The following COL22A1 variants were observed in gnomAD, a reference collection of about 807,000 sequenced individuals.
COL22A1 encodes the protein collagen alpha-1(XXII) chain.
COL22A1 carries 221 observed loss-of-function variants against 248.9 expected under a neutral mutation model. The observed-to-expected ratio is 0.89, with a 90% CI of 0.80 to 0.99. COL22A1 has a LOEUF of 0.99. Among genes scored for constraint, COL22A1 ranks in the 50% least tolerant of loss-of-function variants. The pLI is 0.00. For missense variants in COL22A1, 2,240 were observed against 2,179.0 expected, an observed-to-expected ratio of 1.03 and a Z score of -0.56; for synonymous variants, 891 against 793.4, an observed-to-expected ratio of 1.12 and a Z score of -2.07.
chr8:138,698,217 G>A (rs926965535), intron 32 of COL22A1, among the ~76,000 whole-genome samples: 7 of 152,214 alleles, frequency 4.6e-5, no homozygotes, highest in Admixed American at 1.3e-4. Flanking sequence ...CAGGTGACCA[G>A]TGGAAGGGAC....
chr8:138,651,461 A>T (rs1445525005), intron 45 of COL22A1, among the ~76,000 whole-genome samples: 1 of 152,256 alleles, frequency 6.6e-6, no homozygotes, highest in Admixed American at 6.5e-5. Context: ...TCCACCTGAC[A>T]TTCTGGCGAC....
At chr8:138,755,969 C>A in intron 18 of COL22A1, 140 bp from the exon 19 acceptor site, 1 of 695,012 alleles carries the variant, frequency 1.4e-6, no homozygotes, top group East Asian at 2.7e-5. Flanking sequence ...TCGTCTTGCC[C>A]GAGCCTGCTG....
chr8:138,862,503 T>G (rs1822559136), intron 3 of COL22A1, among the ~76,000 whole-genome samples: 1 of 151,236 alleles, frequency 6.6e-6, no homozygotes, highest in African/African-American at 2.4e-5. Flanking sequence ...AAGGGTCCCT[T>G]AATTCCCTGA....
intron 51 of COL22A1, among the ~76,000 whole-genome samples, chr8:138,625,751 G>A (rs910499932): frequency 2.6e-5 from 4 of 152,118 alleles, no homozygotes; most frequent in South Asian, 2.1e-4. Context: ...GCATTATGGT[G>A]CATCCATTGC....
intron 3 of COL22A1, among the ~76,000 whole-genome samples, chr8:138,845,365 C>A (rs368287100): frequency 6.6e-6 from 1 of 151,628 alleles, no homozygotes; most frequent in African/African-American, 2.4e-5. Flanking sequence ...AAAAATGAGT[C>A]GGGCATGGTG....
chr8:138,637,516 T>A (rs1821298266), intron 47 of COL22A1, among the ~76,000 whole-genome samples: 1 of 152,056 alleles, frequency 6.6e-6, no homozygotes, highest in South Asian at 2.1e-4. Context: ...TGTTAGAGAA[T>A]AAAATAACAA....
chr8:138,788,819 T>C (rs1815775201), intron 12 of COL22A1, among the ~76,000 whole-genome samples: 1 of 152,258 alleles, frequency 6.6e-6, no homozygotes, highest in African/African-American at 2.4e-5. Context: ...ACATAAGTCA[T>C]CTATTTTCAT....
At chr8:138,722,504 C>T (rs184487623) in intron 25 of COL22A1, among the ~76,000 whole-genome samples, 1 of 152,348 alleles carries the variant, frequency 6.6e-6, no homozygotes, top group Admixed American at 6.5e-5. Context: ...CTGCTATCCT[C>T]CCTTCCTCTT....
intron 55 of COL22A1, among the ~76,000 whole-genome samples, chr8:138,615,012 T>G (rs1237132503): frequency 6.6e-6 from 1 of 152,194 alleles, no homozygotes. Flanking sequence ...CTGGTGCCTC[T>G]GCATCTGACC....
intron 26 of COL22A1, among the ~76,000 whole-genome samples, chr8:138,721,443 G>A (rs896162112): frequency 5.3e-5 from 8 of 152,148 alleles, no homozygotes; most frequent in African/African-American, 1.9e-4. Flanking sequence ...CCAGTTTTAT[G>A]CTATTTAACC....
intron 37 of COL22A1, among the ~76,000 whole-genome samples, chr8:138,686,900 CT>C (rs1336960801): frequency 8.5e-5 from 13 of 152,092 alleles, no homozygotes; most frequent in Non-Finnish European, 1.5e-4. Context: ...GCATTATCTT[CT>C]TTTCAAAAAA....
At chr8:138,735,923 T>C (rs1385294621) in intron 23 of COL22A1, among the ~76,000 whole-genome samples, 2 of 152,112 alleles carry the variant, frequency 1.3e-5, no homozygotes, top group Non-Finnish European at 2.9e-5. Context: ...CCCCGGGGAA[T>C]CTGGTGTGGA....
At chr8:138,654,293 G>C (rs924508732) in intron 45 of COL22A1, among the ~76,000 whole-genome samples, 6 of 152,084 alleles carry the variant, frequency 3.9e-5, no homozygotes, top group African/African-American at 1.4e-4. Flanking sequence ...AATAGGTAAT[G>C]ATTTCTTGTC....
chr8:138,719,559 C>T, intron 27 of COL22A1, among the ~76,000 whole-genome samples: 1 of 152,076 alleles, frequency 6.6e-6, no homozygotes, highest in East Asian at 1.9e-4. Context: ...TGTTTTTCTG[C>T]TTGGTTTTAA....
chr8:138,636,665 T>C (rs937081193), intron 48 of COL22A1, 77 bp downstream of exon 48: 40 of 1,024,462 alleles, frequency 3.9e-5, no homozygotes, highest in Non-Finnish European at 6.1e-5. Flanking sequence ...AGGAATGACA[T>C]TGTACAATGG....
chr8:138,743,937 G>C (rs1033138706), intron 22 of COL22A1, among the ~76,000 whole-genome samples: 1 of 152,166 alleles, frequency 6.6e-6, no homozygotes, highest in African/African-American at 2.4e-5. Flanking sequence ...ACAGATAAAA[G>C]GATTGCTTGT....
At chr8:138,869,035 A>G (rs763247249) in intron 3 of COL22A1, among the ~76,000 whole-genome samples, 1 of 152,176 alleles carries the variant, frequency 6.6e-6, no homozygotes, top group Non-Finnish European at 1.5e-5. Flanking sequence ...CCAGCCCAGC[A>G]TCCTCTTCTT....
intron 23 of COL22A1, among the ~76,000 whole-genome samples, chr8:138,725,886 C>T (rs960143902): frequency 2.0e-5 from 3 of 152,078 alleles, no homozygotes; most frequent in African/African-American, 7.3e-5. Flanking sequence ...ATCAGAATCA[C>T]CAGGGGTGAG....
At chr8:138,604,236 G>C (rs1818261157) in intron 59 of COL22A1, among the ~76,000 whole-genome samples, 1 of 152,298 alleles carries the variant, frequency 6.6e-6, no homozygotes, top group African/African-American at 2.4e-5. Context: ...AGTGCAGGGG[G>C]AGGGCAGACC....
Sources: gnomAD v4.1 joint callset for allele counts (sites outside exome capture counted in the v4.1 genomes callset) on GRCh38, gnomAD v4.1.1 for gene constraint, MANE v1.5 for transcripts, NCBI Gene and HGNC (gene_info 2026-07-23, HGNC 2026-07-21) for gene names.